The following PTPRK variants were observed in gnomAD, a reference collection of about 807,000 sequenced individuals.
PTPRK encodes the protein receptor-type tyrosine-protein phosphatase kappa.
Under a neutral mutation model 178.0 loss-of-function variants are expected in PTPRK, and 75 were observed. That is an observed-to-expected ratio of 0.42 (90% CI 0.35 to 0.51). PTPRK has a LOEUF of 0.51. Among genes scored for constraint, PTPRK ranks in the 20% least tolerant of loss-of-function variants. The pLI is 0.02. For missense variants in PTPRK, 1,441 were observed against 1,797.8 expected (o/e 0.80, Z 3.59); for synonymous variants, 637 against 620.6 (o/e 1.03, Z -0.39).
At chr6:128,280,445 A>C (rs994818661) in intron 3 of PTPRK, among the ~76,000 whole-genome samples, 2 of 152,194 alleles carry the variant, frequency 1.3e-5, no homozygotes, top group Non-Finnish European at 2.9e-5. Context: ...AAGTTTATCA[A>C]AGAAAATACT....
intron 3 of PTPRK, among the ~76,000 whole-genome samples, chr6:128,320,729 C>T (rs894890191): frequency 1.3e-5 from 2 of 152,140 alleles, no homozygotes; most frequent in Admixed American, 1.3e-4. Context: ...AGCCATCAAC[C>T]CACTTTTGTC....
intron 7 of PTPRK, among the ~76,000 whole-genome samples, chr6:128,178,328 T>C (rs1248930240): frequency 6.6e-6 from 1 of 151,898 alleles, no homozygotes; most frequent in Non-Finnish European, 1.5e-5. Context: ...CGTGTGGCGA[T>C]GTGTACAACT....
chr6:128,304,002 CGACTTATGCAATTTTGGAGCCCAG>C (rs937787936), intron 3 of PTPRK, among the ~76,000 whole-genome samples: 13 of 152,158 alleles, frequency 8.5e-5, no homozygotes, highest in African/African-American at 3.1e-4. Flanking sequence ...CACAGCCCCA[CGACTTATGCAATTTTGGAGCCCAG>C]GACTTATGCA....
chr6:128,414,543 A>G (rs976855747), intron 1 of PTPRK, among the ~76,000 whole-genome samples: 3 of 152,228 alleles, frequency 2.0e-5, no homozygotes, highest in African/African-American at 7.2e-5. Context: ...ATTTTTAAAA[A>G]ATGAATCAAA....
At chr6:128,142,160 C>T (rs1443605706) in intron 7 of PTPRK, among the ~76,000 whole-genome samples, 2 of 151,924 alleles carry the variant, frequency 1.3e-5, no homozygotes, top group Admixed American at 1.3e-4. Flanking sequence ...TACAATACAG[C>T]TATTGTAAAT....
intron 1 of PTPRK, among the ~76,000 whole-genome samples, chr6:128,459,549 A>G (rs2128411186): frequency 6.6e-6 from 1 of 152,336 alleles, no homozygotes; most frequent in East Asian, 1.9e-4. Flanking sequence ...AACCAGTGAA[A>G]CAGCACAGGC....
intron 2 of PTPRK, among the ~76,000 whole-genome samples, chr6:128,349,217 T>C (rs746103248): frequency 2.0e-5 from 3 of 151,944 alleles, no homozygotes; most frequent in Non-Finnish European, 4.4e-5. Flanking sequence ...AATCATGGAG[T>C]GTTACCATTC....
At position 128,082,488 on chromosome 6, in the gene PTPRK, C is replaced by A. The variant is rs1784996018; in HGVS notation, c.1726G>T (p.Val576Phe). The change falls in exon 10 of 30, where the codon GTC (valine) becomes TTC (phenylalanine). Residue 576 changes from valine to phenylalanine, a missense_variant. Coordinates refer to ENST00000368226, the MANE Select transcript of PTPRK (RefSeq NM_002844.4). ...TYQFFIRAST[V>F]KGFGPATAIN... is the part of the protein sequence containing the mutation. ...GCTGTGGCTGGACCAAAGCCTTTGA[C>A]CGTGCTGGCTCTTATGAAAAACTGG... 6.2e-7 allele frequency: 1 copy of A among 1,613,466 alleles called. No individual in the cohort carries two copies. The highest frequency in any genetic ancestry group is 1.3e-5 in the African/African-American group (1 of 74,938).
chr6:128,133,182 C>T (rs533018333), intron 7 of PTPRK, among the ~76,000 whole-genome samples: 33 of 152,148 alleles, frequency 2.2e-4, no homozygotes, highest in African/African-American at 7.9e-4. Flanking sequence ...TTGATTTTTT[C>T]TTGTGTGATA....
chr6:128,209,983 G>C (rs535820599), intron 6 of PTPRK, among the ~76,000 whole-genome samples: 11 of 152,194 alleles, frequency 7.2e-5, no homozygotes, highest in African/African-American at 2.6e-4. Flanking sequence ...CCAGTGCCAG[G>C]GGGAGCATAT....
chr6:128,320,260 T>C (rs1039313640), intron 3 of PTPRK, among the ~76,000 whole-genome samples: 1 of 152,254 alleles, frequency 6.6e-6, no homozygotes, highest in South Asian at 2.1e-4. Context: ...AATAGTAGAA[T>C]TAACACCACA....
chr6:128,456,905 A>G (rs78571875), intron 1 of PTPRK, among the ~76,000 whole-genome samples: 2,511 of 152,208 alleles, frequency 0.016, 29 homozygotes, highest in Non-Finnish European at 0.027. Flanking sequence ...TTTGAAAAAT[A>G]CATTTCCCAA....
chr6:128,090,440 T>A (rs1410792309), intron 7 of PTPRK, among the ~76,000 whole-genome samples: 6 of 152,190 alleles, frequency 3.9e-5, no homozygotes, highest in African/African-American at 1.4e-4. Context: ...ATTGTAACAA[T>A]AATATACTAC....
intron 21 of PTPRK, 51 bp from the exon 22 acceptor site, chr6:127,985,926 A>G: frequency 6.4e-7 from 1 of 1,568,162 alleles, no homozygotes; most frequent in Middle Eastern, 1.7e-4. Context: ...AATGGCCAAA[A>G]TAAAGCCATT....
intron 2 of PTPRK, among the ~76,000 whole-genome samples, chr6:128,378,116 A>C (rs1837360771): frequency 6.6e-6 from 1 of 152,164 alleles, no homozygotes; most frequent in African/African-American, 2.4e-5. Flanking sequence ...CAATAAATAT[A>C]AACCATAAGT....
intron 3 of PTPRK, among the ~76,000 whole-genome samples, chr6:128,288,708 AG>A (rs1235861234): frequency 1.3e-5 from 2 of 152,160 alleles, no homozygotes; most frequent in African/African-American, 4.8e-5. Context: ...AAATACTTTT[AG>A]GAAAAAACTG....
intron 1 of PTPRK, among the ~76,000 whole-genome samples, chr6:128,421,752 A>G (rs1183050622): frequency 6.6e-6 from 1 of 152,248 alleles, no homozygotes; most frequent in African/African-American, 2.4e-5. Flanking sequence ...TTGATTATAA[A>G]TGATGGAATT....
At chr6:128,108,360 A>T (rs531228550) in intron 7 of PTPRK, among the ~76,000 whole-genome samples, 4 of 152,316 alleles carry the variant, frequency 2.6e-5, no homozygotes, top group South Asian at 4.1e-4. Context: ...GTGCAGAAAA[A>T]GAGAGTAGAG....
chr6:128,115,964 C>T (rs1791462332), intron 7 of PTPRK, among the ~76,000 whole-genome samples: 1 of 152,118 alleles, frequency 6.6e-6, no homozygotes, highest in Admixed American at 6.5e-5. Flanking sequence ...AACACCCTCT[C>T]CACTTCACCC....
Sources: gnomAD v4.1 joint callset for allele counts (sites outside exome capture counted in the v4.1 genomes callset) on GRCh38, gnomAD v4.1.1 for gene constraint, MANE v1.5 for transcripts, NCBI Gene and HGNC (gene_info 2026-07-23, HGNC 2026-07-21) for gene names.